Variants in HSPA4L observed in about 807,000 individuals in gnomAD.
HSPA4L encodes the protein heat shock 70 kDa protein 4L.
A neutral mutation model predicts 100.3 loss-of-function variants in HSPA4L; 48 were observed. That is an observed-to-expected ratio of 0.48 (90% confidence interval 0.38 to 0.61). HSPA4L has a LOEUF of 0.61. Ranked by LOEUF, HSPA4L falls within the 20% of genes least tolerant of loss-of-function variation. The pLI, the probability that HSPA4L is intolerant of heterozygous loss-of-function variation, is 0.00. For missense variants in HSPA4L, 886 were observed against 988.6 expected (o/e 0.90, Z 1.39); for synonymous variants, 319 against 328.2 (o/e 0.97, Z 0.30).
chr4:127,785,428 C>T (rs1199139252), intron 1 of HSPA4L, among the ~76,000 whole-genome samples: 5 of 151,734 alleles, frequency 3.3e-5, no homozygotes, highest in Admixed American at 1.3e-4. Context: ...TGTTTAGTAA[C>T]CTTTTTCTTT....
At chr4:127,795,674 G>A (rs1732999060) in intron 2 of HSPA4L, 94 bp from the exon 3 acceptor site, 4 of 1,226,276 alleles carry the variant, frequency 3.3e-6, no homozygotes, top group Non-Finnish European at 4.7e-6. Context: ...TGGATGTGTA[G>A]GATAAAGGAA....
chr4:127,822,214 G>A (rs1399820523), intron 14 of HSPA4L, among the ~76,000 whole-genome samples: 1 of 151,872 alleles, frequency 6.6e-6, no homozygotes, highest in South Asian at 2.1e-4. Flanking sequence ...CTGTCTTTGC[G>A]AACTGCCTAG....
At chr4:127,805,975 T>A (rs556463415) in intron 10 of HSPA4L, among the ~76,000 whole-genome samples, 182 bp downstream of exon 10, 2 of 152,150 alleles carry the variant, frequency 1.3e-5, no homozygotes, top group African/African-American at 4.8e-5. Context: ...ATTTTTAAAT[T>A]TATGTTTTTT....
chr4:127,815,378 A>G (rs909565590), intron 12 of HSPA4L, among the ~76,000 whole-genome samples: 2 of 152,050 alleles, frequency 1.3e-5, no homozygotes, highest in Admixed American at 1.3e-4. Context: ...GGCTCCGGGT[A>G]CTTACTAAGA....
chr4:127,801,197 A>G lies in HSPA4L; in HGVS notation c.489A>G (p.Ala163=). The change falls in exon 5 of 19, where the codon GCA becomes GCG. Residue 163 remains alanine, a synonymous_variant. Coordinates refer to ENST00000296464, the MANE Select transcript of HSPA4L (RefSeq NM_014278.4). ...CTGTGATGGCTGCAGCCCAGGTTGC[A>G]GGCTTAAATTGTTTAAGGTTGATGA... ...RRSVMAAAQV[A]GLNCLRLMNE... is the part of the protein sequence containing the mutation. 6.2e-7 allele frequency: 1 copy of G among 1,613,074 alleles called. No homozygotes were observed. The highest frequency in any genetic ancestry group is 8.5e-7 in the Non-Finnish European group (1 of 1,179,538).
intron 4 of HSPA4L, among the ~76,000 whole-genome samples, chr4:127,800,752 C>T (rs1427827067): frequency 6.6e-6 from 1 of 152,104 alleles, no homozygotes; most frequent in East Asian, 1.9e-4. Context: ...TTCTTTGTAA[C>T]AGCTACATAG....
intron 9 of HSPA4L, among the ~76,000 whole-genome samples, 157 bp from the exon 10 acceptor site, chr4:127,805,530 C>T (rs1733329503): frequency 6.6e-6 from 1 of 152,106 alleles, no homozygotes; most frequent in Non-Finnish European, 1.5e-5. Context: ...AAAGAGTACT[C>T]AGGCCCTTTT....
intron 1 of HSPA4L, among the ~76,000 whole-genome samples, chr4:127,793,643 A>T (rs1732937195): frequency 6.6e-6 from 1 of 152,238 alleles, no homozygotes; most frequent in African/African-American, 2.4e-5. Flanking sequence ...ACATAACCAT[A>T]TGAGCAGATA....
intron 9 of HSPA4L, 74 bp from the exon 10 acceptor site, chr4:127,805,613 A>C: frequency 9.2e-7 from 1 of 1,083,954 alleles, no homozygotes; most frequent in Admixed American, 2.0e-5. Context: ...GACTCTATTA[A>C]GCAGTTCAAT....
chr4:127,829,597 C>G (rs1357915690), intron 17 of HSPA4L, among the ~76,000 whole-genome samples: 2 of 152,096 alleles, frequency 1.3e-5, no homozygotes, highest in African/African-American at 2.4e-5. Flanking sequence ...CTGAAAATTA[C>G]TCCAAGGATT....
At position 127,808,049 on chromosome 4, in the gene HSPA4L, C is replaced by G; in HGVS notation, c.1298C>G (p.Thr433Ser). 6.2e-7 allele frequency: 1 copy of G among 1,612,798 alleles called. No individual in the cohort carries two copies. The highest frequency in any genetic ancestry group is 8.5e-7 in the Non-Finnish European group (1 of 1,179,160). Residue 433 changes from threonine to serine, a missense_variant, in exon 11 of 19, where the codon ACT becomes AGT. Transcript: ENST00000296464. Reference sequence around the variant, plus strand: ...CCTGCCCCATTCTCAAAAGTCATTACTTTCCACAAGAAGGAACCATTTGAA... The same window carrying G: ...CCTGCCCCATTCTCAAAAGTCATTAGTTTCCACAAGAAGGAACCATTTGAA... ...NHPAPFSKVI[T>S]FHKKEPFELE...
chr4:127,787,848 GA>G (rs375112808), intron 1 of HSPA4L, among the ~76,000 whole-genome samples: 18 of 144,578 alleles, frequency 1.2e-4, no homozygotes, highest in South Asian at 2.2e-4. Flanking sequence ...CTTAAGCACT[GA>G]AAAAAAAAAG....
rs1007162711 is a variant in HSPA4L at position 127,838,637 on chromosome 4, CAT to C, written c.*5764_*5765del. Reference sequence around the variant, plus strand: ...CTGTAAAAAGACTGGTGAAATTCAACATGTTTTAAATAATTTAATTGCATTAT... The same window carrying C: ...CTGTAAAAAGACTGGTGAAATTCAACGTTTTAAATAATTTAATTGCATTAT... On this transcript the variant is annotated 3_prime_UTR_variant, in exon 19 of 19. Coordinates refer to ENST00000296464, the MANE Select transcript of HSPA4L (RefSeq NM_014278.4). The C allele has an allele frequency of 1.4e-4, 21 of 152,180 alleles. No individual in the cohort carries two copies. The highest frequency in any genetic ancestry group is 4.6e-4 in the Admixed American group (7 of 15,274). The allele number at this position is 152,180 out of a possible 1,614,324, so 9.4% of individuals were successfully genotyped here.
chr4:127,812,581 A>G, intron 12 of HSPA4L: 2 of 617,942 alleles, frequency 3.2e-6, no homozygotes, highest in South Asian at 4.0e-5. Context: ...ATTTGTGTGC[A>G]TTATTTTTAA....
In HSPA4L at chr4:127,840,044, C is replaced by CCAT. The variant is rs1734326309; in HGVS notation, c.*7172_*7174dup. On this transcript the variant is annotated 3_prime_UTR_variant, in exon 19 of 19. Coordinates refer to ENST00000296464, the MANE Select transcript of HSPA4L (RefSeq NM_014278.4). The stretch of plus-strand genomic sequence containing the variant: ...CCAGCCTGGCCAACATGGTGAAACC[C>CCAT]CATCTCTACTAAAAAAAATACAAAA... 2 of 151,974 alleles carry CCAT rather than the reference C, an allele frequency of 1.3e-5. No homozygotes were observed. The highest frequency in any genetic ancestry group is 6.6e-5 in the Admixed American group (1 of 15,250). 9.4% of individuals were successfully genotyped at this position (151,974 alleles called of 1,614,324 possible).
chr4:127,789,241 A>G (rs542001840), intron 1 of HSPA4L, among the ~76,000 whole-genome samples: 1 of 152,376 alleles, frequency 6.6e-6, no homozygotes, highest in East Asian at 1.9e-4. Flanking sequence ...TAAAAGGAAC[A>G]TAGGACATTT....
chr4:127,812,420 A>C (rs1318700757), intron 12 of HSPA4L, among the ~76,000 whole-genome samples: 6 of 150,820 alleles, frequency 4.0e-5, no homozygotes, highest in Non-Finnish European at 7.4e-5. Context: ...AAAAAAAAAA[A>C]CAAAAAAAAA....
intron 12 of HSPA4L, among the ~76,000 whole-genome samples, chr4:127,817,775 T>C (rs1266191568): frequency 6.6e-6 from 1 of 152,126 alleles, no homozygotes; most frequent in Non-Finnish European, 1.5e-5. Context: ...AATTCATAGA[T>C]TTTGTATCTT....
At chr4:127,817,901 A>G (rs967057995) in intron 12 of HSPA4L, among the ~76,000 whole-genome samples, 1 of 152,024 alleles carries the variant, frequency 6.6e-6, no homozygotes, top group Non-Finnish European at 1.5e-5. Flanking sequence ...AGAACATGCA[A>G]GTTTGTTACA....
Sources: gnomAD v4.1 joint callset for allele counts (sites outside exome capture counted in the v4.1 genomes callset) on GRCh38, gnomAD v4.1.1 for gene constraint, MANE v1.5 for transcripts, NCBI Gene and HGNC (gene_info 2026-07-23, HGNC 2026-07-21) for gene names.